Variants in TBC1D4 observed in about 807,000 individuals in gnomAD.
The protein encoded by TBC1D4 is TBC1 domain family member 4, also known as TBC (Tre-2, BUB2, CDC16) domain-containing protein.
In TBC1D4, 121 loss-of-function variants were observed where a neutral mutation model predicts 142.5. That is an observed-to-expected ratio of 0.85 (90% CI 0.73 to 0.99). The LOEUF (loss-of-function observed/expected upper bound fraction) is 0.99, where lower values mean the gene tolerates loss of function less well. TBC1D4 is among the 50% of genes least tolerant of loss of function. The probability of loss-of-function intolerance (pLI) is 0.00; values close to 1 mark genes in which losing one functional copy is unlikely to be tolerated. For synonymous variants in TBC1D4, 630 were observed against 628.2 expected (o/e 1.00, Z -0.04); for missense variants, 1,475 against 1,606.6 (o/e 0.92, Z 1.40).
At chr13:75,477,883 G>C (rs1888685611) in intron 1 of TBC1D4, among the ~76,000 whole-genome samples, 1 of 152,202 alleles carries the variant, frequency 6.6e-6, no homozygotes, top group African/African-American at 2.4e-5. Flanking sequence ...TCCTGTATAA[G>C]ACTACATAGG....
chr13:75,347,985 A>T (rs962756849), intron 5 of TBC1D4, among the ~76,000 whole-genome samples: 84 of 152,064 alleles, frequency 5.5e-4, no homozygotes, highest in African/African-American at 7.2e-4. Flanking sequence ...AAAATTTTTT[A>T]AAAAAATTAG....
intron 11 of TBC1D4, among the ~76,000 whole-genome samples, chr13:75,320,692 T>G (rs1878676916): frequency 6.6e-6 from 1 of 151,898 alleles, no homozygotes; most frequent in Non-Finnish European, 1.5e-5. Flanking sequence ...AATGGATGCC[T>G]AATCTGAATT....
At position 75,333,652 on chromosome 13, in the gene TBC1D4, T is replaced by A. The variant is rs557160901; in HGVS notation, c.1731+3269A>T. Among the ~76,000 whole-genome samples the A allele has an allele frequency of 4.4e-4, 67 of 152,338 alleles. 3 individuals carry two copies. The highest frequency in any genetic ancestry group is 1.6e-3 in the African/African-American group (66 of 41,578). On this transcript the variant is annotated intron_variant, in intron 8 of 20. Coordinates refer to ENST00000377636, the MANE Select transcript of TBC1D4 (RefSeq NM_014832.5). ...TTCTCCAATATAACTAAAATACAAC[T>A]TTCAAAACCAGGATACTGACATTGA...
intron 19 of TBC1D4, among the ~76,000 whole-genome samples, chr13:75,291,498 T>C (rs921901222): frequency 6.6e-6 from 1 of 152,186 alleles, no homozygotes; most frequent in Non-Finnish European, 1.5e-5. Flanking sequence ...TTATAGATGG[T>C]TCCTTCATTT....
intron 1 of TBC1D4, among the ~76,000 whole-genome samples, chr13:75,414,914 A>C (rs1380809002): frequency 6.6e-6 from 1 of 152,094 alleles, no homozygotes; most frequent in African/African-American, 2.4e-5. Context: ...ACCTGAGGTC[A>C]GGAGTTTGAG....
intron 1 of TBC1D4, among the ~76,000 whole-genome samples, chr13:75,460,879 C>T (rs4885294): frequency 0.93 from 141,538 of 152,166 alleles, 66,658 homozygotes; most frequent in Non-Finnish European, 1. Flanking sequence ...GCCAACTTCA[C>T]GCCATTGCAC....
intron 1 of TBC1D4, among the ~76,000 whole-genome samples, chr13:75,432,859 G>A (rs1470386764): frequency 1.3e-5 from 2 of 150,898 alleles, no homozygotes; most frequent in Non-Finnish European, 3.0e-5. Flanking sequence ...GGAGAATGTC[G>A]TGAACCCGGA....
chr13:75,335,899 C>T lies in TBC1D4; in HGVS notation c.1731+1022G>A, dbSNP rs186462879. Among the ~76,000 whole-genome samples, 781 of 152,058 alleles carry T rather than the reference C, an allele frequency of 5.1e-3. 3 individuals are homozygous for T. Among genetic ancestry groups the T allele is most frequent in the Middle Eastern group, 0.02 (6 of 294 alleles). ...TTTCAGGTATTTCTTTATAGCAATG[C>T]GAAAATGAACTAATACAATGGGCAA... On this transcript the variant is annotated intron_variant, in intron 8 of 20. Coordinates refer to ENST00000377636, the MANE Select transcript of TBC1D4 (RefSeq NM_014832.5).
At chr13:75,437,426 C>A (rs1038956356) in intron 1 of TBC1D4, among the ~76,000 whole-genome samples, 1 of 152,096 alleles carries the variant, frequency 6.6e-6, no homozygotes, top group African/African-American at 2.4e-5. Flanking sequence ...ATGAATGTAA[C>A]ATGTGAGTCA....
At chr13:75,324,475 T>C in intron 10 of TBC1D4, 74 bp from the exon 11 acceptor site, 2 of 1,537,110 alleles carry the variant, frequency 1.3e-6, no homozygotes, top group African/African-American at 1.4e-5. Flanking sequence ...TGAAAAAGCA[T>C]ATAAACAGGT....
intron 5 of TBC1D4, among the ~76,000 whole-genome samples, chr13:75,347,002 T>C (rs1355509417): frequency 1.3e-5 from 2 of 152,208 alleles, no homozygotes; most frequent in African/African-American, 2.4e-5. Flanking sequence ...TAACACAACA[T>C]TTTAAATGTC....
chr13:75,394,966 G>A (rs959583059), intron 1 of TBC1D4, among the ~76,000 whole-genome samples: 5 of 152,218 alleles, frequency 3.3e-5, no homozygotes, highest in African/African-American at 1.2e-4. Context: ...TCACTGCATA[G>A]AGAATGCATT....
In TBC1D4 at chr13:75,349,157, C is replaced by T. The variant is rs1881397227; in HGVS notation, c.1408+13G>A. 6.2e-7 allele frequency: 1 copy of T among 1,613,980 alleles called. No homozygotes were observed. Among genetic ancestry groups the T allele is most frequent in the Non-Finnish European group, 8.5e-7 (1 of 1,179,894 alleles). Reference sequence around the variant, plus strand: ...GCAAACTTCTCTTTTGCCAAAGCCACATTAAACTGTACCTTCAATCCTTTC... The same window carrying T: ...GCAAACTTCTCTTTTGCCAAAGCCATATTAAACTGTACCTTCAATCCTTTC... On this transcript the variant is annotated intron_variant, in intron 5 of 20. Transcript: ENST00000377636.
intron 1 of TBC1D4, chr13:75,366,998 T>A (rs1286667771): frequency 1.0e-6 from 1 of 985,066 alleles, no homozygotes; most frequent in Non-Finnish European, 1.2e-6. Context: ...CAGTATTAGC[T>A]CTAAGTTCTC....
intron 12 of TBC1D4, chr13:75,316,591 T>C (rs868569780): frequency 6.6e-6 from 1 of 152,220 alleles, no homozygotes; most frequent in South Asian, 2.1e-4. Context: ...TATTCAGAAG[T>C]CAAGTTCCCA....
intron 2 of TBC1D4, among the ~76,000 whole-genome samples, 174 bp from the exon 3 acceptor site, chr13:75,360,032 C>T (rs1882371795): frequency 3.3e-5 from 5 of 152,066 alleles, no homozygotes; most frequent in Admixed American, 1.3e-4. Flanking sequence ...ATATCAGCTG[C>T]CTCAAAAATG....
intron 1 of TBC1D4, among the ~76,000 whole-genome samples, chr13:75,437,372 C>G (rs146534673): frequency 6.6e-6 from 1 of 152,172 alleles, no homozygotes; most frequent in East Asian, 1.9e-4. Context: ...ACAAGGAGAA[C>G]TATATTGTGA....
chr13:75,470,113 G>T (rs73221958), intron 1 of TBC1D4, among the ~76,000 whole-genome samples: 30 of 152,092 alleles, frequency 2.0e-4, no homozygotes, highest in Non-Finnish European at 4.4e-4. Flanking sequence ...TAAAATGAGA[G>T]TTAAAATACC....
At chr13:75,349,543 T>TA (rs1881434182) in intron 4 of TBC1D4, among the ~76,000 whole-genome samples, 1 of 152,242 alleles carries the variant, frequency 6.6e-6, no homozygotes, top group African/African-American at 2.4e-5. Context: ...TCTGTTAATT[T>TA]AAATTTAATG....
Sources: allele counts gnomAD v4.1 joint callset (sites outside exome capture counted in the v4.1 genomes callset), GRCh38; gene constraint gnomAD v4.1.1; transcripts MANE v1.5; gene names NCBI Gene and HGNC (gene_info 2026-07-23, HGNC 2026-07-21).